Variants in ZNF709 observed in about 807,000 individuals in gnomAD.
ZNF709 encodes zinc finger protein 709.
In ZNF709, 15 loss-of-function variants were observed where a neutral mutation model predicts 10.6. That is an observed-to-expected ratio of 1.41 (90% CI 0.95 to 2.18). The LOEUF is 2.18. ZNF709 is among the 30% of genes most tolerant of loss of function. The pLI is 0.00. For synonymous variants in ZNF709, 194 were observed against 238.8 expected (o/e 0.81, Z 1.73); for missense variants, 589 against 774.0 (o/e 0.76, Z 2.84).
chr19:12,464,247 G>A lies in ZNF709; in HGVS notation c.1675C>T (p.Pro559Ser). Residue 559 changes from proline to serine, a missense_variant, in exon 4 of 4, where the codon CCT (proline) becomes TCT (serine). By Grantham distance (74) the Pro-to-Ser change is moderately conservative. Transcript: ENST00000397732. ...TTACCACATTGTTTACACTCATAAG[G>A]TTTCTCTCCAGTGTGAGTCCTTTCA... ...IHERTHTGEK[P>S]YECKQCGKAF... is the part of the protein sequence containing the mutation. The A allele has an allele frequency of 1.3e-6, 2 of 1,597,832 alleles. No individual in the cohort carries two copies. Among genetic ancestry groups the A allele is most frequent in the Non-Finnish European group, 1.7e-6 (2 of 1,172,768 alleles).
In ZNF709 at chr19:12,462,530, AATAATTCCAATG is replaced by A. The variant is rs947216296; in HGVS notation, c.*1454_*1465del. ...CAAACAGCAAACAGAAGATGAAAATAATAATTCCAATGAGAGAGTATACTGTATGATAAACTT... is the reference window on the plus strand; with the variant it reads ...CAAACAGCAAACAGAAGATGAAAATAAGAGAGTATACTGTATGATAAACTT... On this transcript the variant is annotated 3_prime_UTR_variant, in exon 4 of 4. Coordinates refer to ENST00000397732, the MANE Select transcript of ZNF709 (RefSeq NM_152601.4). The A allele has an allele frequency of 1.2e-4, 18 of 152,210 alleles. No individual in the cohort carries two copies. Among genetic ancestry groups the A allele is most frequent in the African/African-American group, 4.3e-4 (18 of 41,456 alleles). 9.4% of individuals were successfully genotyped at this position (152,210 alleles called of 1,614,324 possible).
chr19:12,480,163 AAAAC>A (rs1014228656), intron 1 of ZNF709, among the ~76,000 whole-genome samples: 20 of 152,162 alleles, frequency 1.3e-4, no homozygotes, highest in Middle Eastern at 6.8e-3. Context: ...TTTTAAAAAA[AAAAC>A]AAACAAAAAC....
chr19:12,464,239 C>G lies in ZNF709; in HGVS notation c.1683G>C (p.Glu561Asp). ...ERTHTGEKPY[E>D]CKQCGKAFSC... ...TGAAGGCCTTACCACATTGTTTACA[C>G]TCATAAGGTTTCTCTCCAGTGTGAG... Residue 561 changes from glutamate (E) to aspartate (D), a missense_variant, in exon 4 of 4, where the codon GAG becomes GAC. Physicochemically the swap from Glu to Asp is conservative, Grantham distance 45. Transcript: ENST00000397732. 1 of 1,577,866 alleles carries G rather than the reference C, an allele frequency of 6.3e-7. No individual in the cohort carries two copies. The highest frequency in any genetic ancestry group is 8.6e-7 in the Non-Finnish European group (1 of 1,164,054).
Position 12,466,866 on chromosome 19 carries a change from T to A in ZNF709, c.4-16A>T. The A allele has an allele frequency of 6.2e-7, 1 of 1,609,974 alleles. No homozygotes were observed. Among genetic ancestry groups the A allele is most frequent in the Non-Finnish European group, 8.5e-7 (1 of 1,178,604 alleles). On this transcript the variant is annotated splice_polypyrimidine_tract_variant and intron_variant, in intron 1 of 3. Coordinates refer to ENST00000397732, the MANE Select transcript of ZNF709 (RefSeq NM_152601.4). ...CCACTGAGTCCTGAAACATCCCACATGTATAGGGGAGGATGGGTGAGACTG... is the reference window on the plus strand; with the variant it reads ...CCACTGAGTCCTGAAACATCCCACAAGTATAGGGGAGGATGGGTGAGACTG...
chr19:12,466,464 T>C lies in ZNF709; in HGVS notation c.186A>G (p.Leu62=). The part of the protein sequence containing the change: ...IEDHKNQGRK[L]RSHMVERLCE... The stretch of plus-strand genomic sequence containing the variant: ...TTTCTTTTGTAAGTACAACTCACCT[T>C]AGCTTTCTCCCCTGATTTTTGTGAT... The change falls in exon 3 of 4, where the codon CTA becomes CTG. Residue 62 remains leucine (L), a splice_region_variant and synonymous_variant. Transcript: ENST00000397732. 6.2e-7 allele frequency: 1 copy of C among 1,613,966 alleles called. No individual in the cohort carries two copies. The highest frequency in any genetic ancestry group is 1.3e-5 in the African/African-American group (1 of 75,044).
Position 12,465,730 on chromosome 19 carries a change from A to C in ZNF709, c.192T>G (p.Ser64Arg). The part of the protein sequence containing the change: ...DHKNQGRKLR[S>R]HMVERLCERK... ...TTTCACAGAGCCTCTCTACCATATG[A>C]CTTCTGTGAGAAAAAAACAAAACAA... The change falls in exon 4 of 4, where the codon AGT (serine) becomes AGG (arginine). Residue 64 changes from serine (S) to arginine (R), a missense_variant. Physicochemically the swap from Ser to Arg is moderately radical, Grantham distance 110. Transcript: ENST00000397732. The C allele has an allele frequency of 6.6e-7, 1 of 1,509,298 alleles. No homozygotes were observed. Among genetic ancestry groups the C allele is most frequent in the Non-Finnish European group, 8.8e-7 (1 of 1,135,374 alleles). 93.5% of individuals were successfully genotyped at this position (1,509,298 alleles called of 1,614,324 possible).
intron 1 of ZNF709, among the ~76,000 whole-genome samples, chr19:12,477,505 G>C (rs1392369272): frequency 1.3e-5 from 2 of 152,204 alleles, no homozygotes; most frequent in African/African-American, 4.8e-5. Context: ...TGATGGCTAA[G>C]ATGAGACATA....
intron 1 of ZNF709, among the ~76,000 whole-genome samples, chr19:12,470,395 C>T (rs921806635): frequency 6.6e-6 from 1 of 152,178 alleles, no homozygotes; most frequent in African/African-American, 2.4e-5. Flanking sequence ...CTAATTGTTC[C>T]TTGTACAGTG....
Position 12,469,126 on chromosome 19 carries a change from C to T in ZNF709, c.4-2276G>A, listed in dbSNP as rs1003815110. On this transcript the variant is annotated intron_variant, in intron 1 of 3. Coordinates refer to ENST00000397732, the MANE Select transcript of ZNF709 (RefSeq NM_152601.4). ...AAGTGCTTGGGATTACAGGTGTGAGCCACCGCACCCAGCCACGAGATTTTA... is the reference window on the plus strand; with the variant it reads ...AAGTGCTTGGGATTACAGGTGTGAGTCACCGCACCCAGCCACGAGATTTTA... Among the ~76,000 whole-genome samples the T allele has an allele frequency of 2.0e-5, 3 of 152,094 alleles. No homozygotes were observed. In the South Asian group the frequency reaches 6.2e-4, roughly 32 times the overall value.
At chr19:12,480,553 A>G (rs891639252) in intron 1 of ZNF709, among the ~76,000 whole-genome samples, 13 of 151,792 alleles carry the variant, frequency 8.6e-5, no homozygotes, top group Admixed American at 2.6e-4. Context: ...CGTGGTGGCG[A>G]GCGCCTGTAG....
intron 1 of ZNF709, among the ~76,000 whole-genome samples, chr19:12,469,153 T>C (rs1970612542): frequency 6.6e-6 from 1 of 152,120 alleles, no homozygotes; most frequent in South Asian, 2.1e-4. Flanking sequence ...GAGATTTTAA[T>C]GAATAAGTAT....
At chr19:12,466,383 C>T in intron 3 of ZNF709, 79 bp downstream of exon 3, 1 of 1,369,890 alleles carries the variant, frequency 7.3e-7, no homozygotes. Flanking sequence ...TTATTTGTTT[C>T]AATTATTCAT....
rs1225306354 is a variant in ZNF709 at position 12,462,767 on chromosome 19, T to C, written c.*1229A>G. On this transcript the variant is annotated 3_prime_UTR_variant, in exon 4 of 4. Coordinates refer to ENST00000397732, the MANE Select transcript of ZNF709 (RefSeq NM_152601.4). ...TTTTGATGGCCCATTACAGCACAAC[T>C]AAAAAATACATAAAAATCAAAACTG... The C allele has an allele frequency of 6.6e-6, 1 of 151,972 alleles. No homozygotes were observed. The highest frequency in any genetic ancestry group is 1.5e-5 in the Non-Finnish European group (1 of 67,992). The allele number at this position is 151,972 out of a possible 1,614,324, so 9.4% of individuals were successfully genotyped here.
chr19:12,480,891 C>A (rs936077066), intron 1 of ZNF709, among the ~76,000 whole-genome samples: 1 of 152,030 alleles, frequency 6.6e-6, no homozygotes, highest in South Asian at 2.1e-4. Context: ...GGGATCCTCC[C>A]ATCTCAGCCT....
intron 1 of ZNF709, among the ~76,000 whole-genome samples, chr19:12,467,411 G>C (rs1053627109): frequency 6.6e-6 from 1 of 152,246 alleles, no homozygotes; most frequent in African/African-American, 2.4e-5. Context: ...CCGAGGTGCC[G>C]TGATTGCAGA....
chr19:12,464,075 T>G lies in ZNF709; in HGVS notation c.1847A>C (p.Tyr616Ser). 1 of 1,554,926 alleles carries G rather than the reference T, an allele frequency of 6.4e-7. No individual in the cohort carries two copies. The highest frequency in any genetic ancestry group is 8.6e-7 in the Non-Finnish European group (1 of 1,156,414). ...HERTHTGEKPYACQQCGKAFK... is the reference protein window; with the variant it reads ...HERTHTGEKPSACQQCGKAFK... ...GGCTTTACCACATTGTTGACATGCA[T>G]AGGGTTTCTCTCCAGTGTGAGTTCG... Residue 616 changes from tyrosine to serine, a missense_variant, in exon 4 of 4, where the codon TAT (tyrosine) becomes TCT (serine). Around this residue, in one of 2 missense-constraint regions of ZNF709, gnomAD observed 171 missense variants for 277.7 expected, o/e 0.62. Transcript: ENST00000397732.
At chr19:12,482,949 A>C (rs1970741099) in intron 1 of ZNF709, among the ~76,000 whole-genome samples, 1 of 152,096 alleles carries the variant, frequency 6.6e-6, no homozygotes, top group Admixed American at 6.6e-5. Flanking sequence ...TATTTACATG[A>C]GACAAACCCT....
intron 1 of ZNF709, among the ~76,000 whole-genome samples, chr19:12,470,244 T>G (rs1970623409): frequency 6.6e-6 from 1 of 152,166 alleles, no homozygotes; most frequent in Non-Finnish European, 1.5e-5. Context: ...AACCTACTGA[T>G]GTCCATATGC....
rs1189735355 is a variant in ZNF709 at position 12,465,503 on chromosome 19, T to C, written c.419A>G (p.Tyr140Cys). The C allele has an allele frequency of 1.2e-6, 2 of 1,610,388 alleles. No individual in the cohort carries two copies. Among genetic ancestry groups the C allele is most frequent in the East Asian group, 2.2e-5 (1 of 44,860 alleles). The change falls in exon 4 of 4, where the codon TAT (tyrosine) becomes TGT (cysteine). Residue 140 changes from tyrosine (Y) to cysteine (C), a missense_variant. Coordinates refer to ENST00000397732, the MANE Select transcript of ZNF709 (RefSeq NM_152601.4). ...TCTTTTCCCACATTCCTTACATTCA[T>C]ATGATTTCTCTCCATATTTGTGATA... The part of the protein sequence containing the change: ...YEYHKYGEKS[Y>C]ECKECGKRFS...
Sources: gnomAD v4.1 joint callset for allele counts (sites outside exome capture counted in the v4.1 genomes callset) on GRCh38, gnomAD v4.1.1 for gene constraint, gnomAD v4.1.1 regional missense constraint, MANE v1.5 for transcripts, NCBI Gene and HGNC (gene_info 2026-07-23, HGNC 2026-07-21) for gene names.